The following CYB5R2 variants were observed in gnomAD, a reference collection of about 807,000 sequenced individuals.
CYB5R2 encodes the protein cytochrome b5 reductase 2.
In CYB5R2, 35 loss-of-function variants were observed where a neutral mutation model predicts 29.8. That is an observed-to-expected ratio of 1.17 (90% CI 0.90 to 1.56). CYB5R2 has a LOEUF of 1.56. CYB5R2 is among the 40% of genes most tolerant of loss of function. CYB5R2 has a pLI of 0.00. For missense variants in CYB5R2, 419 were observed against 346.7 expected (o/e 1.21, Z -1.66); for synonymous variants, 169 against 130.6 (o/e 1.29, Z -2.01).
At chr11:7,673,844 G>A (rs1195206919), upstream of CYB5R2, 5 of 987,538 alleles carry the variant, frequency 5.1e-6, no homozygotes, top group African/African-American at 7.0e-5. Context: ...GCCGAGACCC[G>A]GACACGCACG....
Position 7,667,706 on chromosome 11 carries a change from T to C in CYB5R2, c.558+22A>G, listed in dbSNP as rs757895133. 3.1e-6 allele frequency: 5 copies of C among 1,594,588 alleles called. 1 individual carries two copies. In the South Asian group the frequency reaches 5.5e-5, roughly 18 times the overall value. ...CTCAGCAAACATTCCATCCTACCAC[T>C]GCAAGCTCAGCAGGAACTGACCTGG... On this transcript the variant is annotated intron_variant, in intron 7 of 8. Coordinates refer to ENST00000299498, the MANE Select transcript of CYB5R2 (RefSeq NM_016229.5).
chr11:7,672,061 C>A (rs1855775138), intron 3 of CYB5R2: 2 of 187,124 alleles, frequency 1.1e-5, no homozygotes, highest in Non-Finnish European at 2.2e-5. Context: ...ATCCATCAGT[C>A]ACTCTACTTT....
intron 4 of CYB5R2, 61 bp downstream of exon 4, chr11:7,669,564 C>G: frequency 7.2e-7 from 1 of 1,389,644 alleles, no homozygotes. Context: ...TGCCCCTCCA[C>G]CCCACCACCC....
In CYB5R2 at chr11:7,669,314, G is replaced by A. The variant is rs1222943772; in HGVS notation, c.279C>T (p.His93=). 5.6e-6 allele frequency: 9 copies of A among 1,612,606 alleles called. No individual in the cohort carries two copies. The highest frequency in any genetic ancestry group is 7.6e-6 in the Non-Finnish European group (9 of 1,179,232). Residue 93 remains histidine (H), a synonymous_variant, in exon 5 of 9, where the codon CAC becomes CAT. Coordinates refer to ENST00000299498, the MANE Select transcript of CYB5R2 (RefSeq NM_016229.5). ...LIIKIYFKNV[H]PQYPEGGKMT... ...TCTTCCCACCTTCAGGATATTGGGG[G>A]TGTACATTTTTGAAGTAGATCTGAA...
chr11:7,671,679 A>T lies in CYB5R2; in HGVS notation c.151+772T>A, dbSNP rs1355029325. ...CTGAGGTCAAGGTTTTGGCCTGTGC[A>T]TATAAGACAAATAGGCCACGGAGTA... On this transcript the variant is annotated intron_variant, in intron 3 of 8. Transcript: ENST00000299498. 2.0e-5 allele frequency: 3 copies of T among 152,242 alleles called. No homozygotes were observed. In the East Asian group the frequency reaches 5.8e-4, roughly 29 times the overall value. 9.4% of individuals were successfully genotyped at this position (152,242 alleles called of 1,614,324 possible).
chr11:7,665,694 A>G (rs1012638950), intron 8 of CYB5R2, 148 bp from the exon 9 acceptor site: 23 of 1,143,090 alleles, frequency 2.0e-5, no homozygotes, highest in Non-Finnish European at 2.7e-5. Context: ...TCCCTGCAAA[A>G]AGCCTCAGAA....
At chr11:7,666,740 A>T in intron 7 of CYB5R2, 190 bp from the exon 8 acceptor site, 1 of 498,318 alleles carries the variant, frequency 2.0e-6, no homozygotes, top group Admixed American at 3.4e-5. Flanking sequence ...TTGTGGATGA[A>T]GTTCCTCCAT....
At chr11:7,665,684 T>A (rs11041521) in intron 8 of CYB5R2, 138 bp from the exon 9 acceptor site, 442,404 of 1,142,574 alleles carry the variant, frequency 0.39, 91,867 homozygotes, top group Non-Finnish European at 0.43. Context: ...GTACTACTGC[T>A]CCCTGCAAAA....
upstream of CYB5R2, chr11:7,673,911 C>G: frequency 1.7e-5 from 17 of 1,000,052 alleles, no homozygotes; most frequent in Non-Finnish European, 2.0e-5. Flanking sequence ...GCGGCTGGCC[C>G]GCTCCCCGAG....
chr11:7,674,101 C>A, upstream of CYB5R2: 1 of 1,204,486 alleles, frequency 8.3e-7, no homozygotes, highest in East Asian at 5.7e-5. Context: ...ACTGAGCGCC[C>A]CTCAGCTTAC....
At chr11:7,673,698 C>T (rs2136136779), upstream of CYB5R2, 2 of 986,016 alleles carry the variant, frequency 2.0e-6, no homozygotes, top group Non-Finnish European at 2.4e-6. Context: ...TCCATAAATA[C>T]ACCCCGCCGC....
At position 7,669,348 on chromosome 11, in the gene CYB5R2, C is replaced by T. The variant is rs1296751670; in HGVS notation, c.259-14G>A. The T allele has an allele frequency of 6.2e-7, 1 of 1,602,456 alleles. No homozygotes were observed. On this transcript the variant is annotated splice_polypyrimidine_tract_variant and intron_variant, in intron 4 of 8. Transcript: ENST00000299498. Reference sequence around the variant, plus strand: ...TTTGAAGTAGATCTGAAAAGCAAGGCAGCACTGCTTTCACATTCCCAGACA... The same window carrying T: ...TTTGAAGTAGATCTGAAAAGCAAGGTAGCACTGCTTTCACATTCCCAGACA...
intron 5 of CYB5R2, chr11:7,668,830 G>T (rs1036748265): frequency 6.8e-6 from 4 of 585,308 alleles, no homozygotes. Flanking sequence ...TTAACACAGA[G>T]ACTCAAAGAG....
chr11:7,669,590 G>A (rs1481579372), intron 4 of CYB5R2, 35 bp downstream of exon 4: 2 of 1,503,728 alleles, frequency 1.3e-6, no homozygotes. Context: ...AGGCTTGGAA[G>A]CACGAGCTAG....
chr11:7,674,226 C>T, upstream of CYB5R2: 2 of 1,286,494 alleles, frequency 1.6e-6, no homozygotes, highest in Non-Finnish European at 2.0e-6. Flanking sequence ...TTCGACATAC[C>T]TCATGGGCGC....
In CYB5R2 at chr11:7,669,230, C is replaced by T. The variant is rs766925880; in HGVS notation, c.363G>A (p.Arg121=). The T allele has an allele frequency of 6.2e-7, 1 of 1,614,138 alleles. No individual in the cohort carries two copies. The highest frequency in any genetic ancestry group is 1.7e-5 in the Admixed American group (1 of 60,028). The change falls in exon 5 of 9, where the codon AGG becomes AGA. Residue 121 remains arginine (R), a synonymous_variant. Coordinates refer to ENST00000299498, the MANE Select transcript of CYB5R2 (RefSeq NM_016229.5). ...CTGGCCCATGGTAAAACAAGCGTCC[C>T]CTTGGCCCTCGAAAAAAGATGGTCT... is the stretch of plus-strand genomic sequence containing the variant. The part of the protein sequence containing the change: ...IGETIFFRGP[R]GRLFYHGPGN...
At position 7,665,388 on chromosome 11, in the gene CYB5R2, T is replaced by C. The variant is rs748920640; in HGVS notation, c.817A>G (p.Ile273Val). ...LEKLGYTQDM[I>V]FTY is the part of the protein sequence containing the mutation. ...ACGTGGAGGTGTTAGTAGGTGAAAA[T>C]CATGTCCTGGGTATAACCCAGCTTC... Residue 273 changes from isoleucine (I) to valine (V), a missense_variant, in exon 9 of 9, where the codon ATT (isoleucine) becomes GTT (valine). Ile to Val is a conservative substitution (Grantham distance 29, BLOSUM62 3). Transcript: ENST00000299498. 7 of 1,576,628 alleles carry C rather than the reference T, an allele frequency of 4.4e-6. No homozygotes were observed. The African/African-American group carries it at 8.2e-5, about 18-fold the overall frequency.
At chr11:7,673,870 G>A (rs1332524585), upstream of CYB5R2, 5 of 991,440 alleles carry the variant, frequency 5.0e-6, no homozygotes, top group Non-Finnish European at 6.0e-6. Flanking sequence ...GAGGACAAAA[G>A]CGCGGGCGGA....
chr11:7,672,782 T>G lies in CYB5R2; in HGVS notation c.44A>C (p.Glu15Ala), dbSNP rs11041525. The G allele has an allele frequency of 0.018, 29,062 of 1,614,128 alleles. 835 individuals are homozygous for G. The highest frequency in any genetic ancestry group is 0.09 in the African/African-American group (6,784 of 75,002). The change falls in exon 2 of 9, where the codon GAA (glutamate) becomes GCA (alanine). Residue 15 changes from glutamate to alanine, a missense_variant. Glu to Ala is a moderately radical substitution (Grantham distance 107). Transcript: ENST00000299498. ...AATCAAGGGCAGCGGGTACTTGGCT[T>G]CAGGGTCCTGTAAGGTGATTGGCTC... ...RREPITLQDPEAKYPLPLIEK... is the reference protein window; with the variant it reads ...RREPITLQDPAAKYPLPLIEK...
Sources: allele counts gnomAD v4.1 joint callset, GRCh38; gene constraint gnomAD v4.1.1; transcripts MANE v1.5; gene names NCBI Gene and HGNC (gene_info 2026-07-23, HGNC 2026-07-21).